The following NALF1 variants were observed in gnomAD, a reference collection of about 807,000 sequenced individuals.
NALF1 encodes the protein NALCN channel auxiliary factor 1, also known as family with sequence similarity 155 member A.
A neutral mutation model predicts 48.4 loss-of-function variants in NALF1; 3 were observed. The observed-to-expected ratio is 0.06, with a 90% CI of 0.03 to 0.16. The LOEUF is 0.16. Ranked by LOEUF, NALF1 falls within the 10% of genes least tolerant of loss-of-function variation. NALF1 has a pLI of 1.00. For synonymous variants in NALF1, 262 were observed against 245.7 expected (o/e 1.07, Z -0.62); for missense variants, 526 against 571.5 (o/e 0.92, Z 0.81).
chr13:107,340,544 G>A (rs1394953843), intron 1 of NALF1, among the ~76,000 whole-genome samples: 1 of 140,952 alleles, frequency 7.1e-6, no homozygotes, highest in East Asian at 2.1e-4. Context: ...TTAATATCAA[G>A]CTAGAAAATA....
At chr13:107,830,742 C>CA (rs1879694768) in intron 1 of NALF1, among the ~76,000 whole-genome samples, 1 of 152,180 alleles carries the variant, frequency 6.6e-6, no homozygotes, top group Non-Finnish European at 1.5e-5. Context: ...GCTCCTTCTG[C>CA]ACCACAGGCC....
chr13:107,595,512 C>T (rs1286570094), intron 1 of NALF1, among the ~76,000 whole-genome samples: 2 of 152,156 alleles, frequency 1.3e-5, no homozygotes. Context: ...CCACCATCTA[C>T]ACATGCTTCA....
At position 107,380,846 on chromosome 13, in the gene NALF1, C is replaced by T. The variant is rs1052970354; in HGVS notation, c.916-170091G>A. On this transcript the variant is annotated intron_variant, in intron 1 of 2. Transcript: ENST00000375915. The stretch of plus-strand genomic sequence containing the variant: ...ACAAAAAATTAGCCGGGCGTAGTGG[C>T]GGGCGCCTGTAGTACCAGCTACTCG... Among the ~76,000 whole-genome samples, 34 of 150,836 alleles carry T rather than the reference C, an allele frequency of 2.3e-4. No homozygotes were observed. In the South Asian group the frequency reaches 6.7e-3, roughly 30 times the overall value.
At chr13:107,843,318 C>G (rs1880089332) in intron 1 of NALF1, among the ~76,000 whole-genome samples, 1 of 152,164 alleles carries the variant, frequency 6.6e-6, no homozygotes, top group East Asian at 1.9e-4. Flanking sequence ...TGAAGTCACA[C>G]AGCTTTTAAA....
intron 1 of NALF1, among the ~76,000 whole-genome samples, chr13:107,566,881 A>G (rs1053242206): frequency 1.3e-5 from 2 of 152,220 alleles, no homozygotes; most frequent in African/African-American, 4.8e-5. Context: ...TGTCCAGGCC[A>G]GCTGCCCAAC....
chr13:107,617,305 G>A (rs1879405701), intron 1 of NALF1, among the ~76,000 whole-genome samples: 1 of 152,132 alleles, frequency 6.6e-6, no homozygotes, highest in Non-Finnish European at 1.5e-5. Flanking sequence ...TCTGATTAAA[G>A]GGGTCATTTA....
chr13:107,536,412 G>A (rs1460531157), intron 1 of NALF1, among the ~76,000 whole-genome samples: 1 of 152,030 alleles, frequency 6.6e-6, no homozygotes, highest in Non-Finnish European at 1.5e-5. Flanking sequence ...TCAAAAAGTG[G>A]GCAAAGGATA....
At chr13:107,484,487 TTTC>T (rs988149411) in intron 1 of NALF1, among the ~76,000 whole-genome samples, 18 of 152,138 alleles carry the variant, frequency 1.2e-4, no homozygotes, top group African/African-American at 4.3e-4. Context: ...TGAGAGGGAC[TTTC>T]TTCTTTTTTT....
intron 1 of NALF1, among the ~76,000 whole-genome samples, chr13:107,637,404 C>A (rs528645910): frequency 8.5e-4 from 130 of 152,164 alleles, no homozygotes; most frequent in Non-Finnish European, 5.9e-5. Flanking sequence ...CATAAATCTA[C>A]TACTATTTCA....
chr13:107,781,969 T>C (rs752390658), intron 1 of NALF1, among the ~76,000 whole-genome samples: 1 of 152,204 alleles, frequency 6.6e-6, no homozygotes, highest in Non-Finnish European at 1.5e-5. Context: ...GTGATAAAAA[T>C]TGTAAGGAAA....
chr13:107,375,681 A>G (rs949702544), intron 1 of NALF1, among the ~76,000 whole-genome samples: 2 of 152,212 alleles, frequency 1.3e-5, no homozygotes, highest in Non-Finnish European at 2.9e-5. Context: ...TAAAGAAAAG[A>G]GCCAATAGAA....
intron 1 of NALF1, among the ~76,000 whole-genome samples, chr13:107,593,935 A>G (rs1311613623): frequency 6.6e-6 from 1 of 152,010 alleles, no homozygotes; most frequent in East Asian, 1.9e-4. Flanking sequence ...AGGGGAGTCC[A>G]TGGCAGGAAG....
intron 1 of NALF1, among the ~76,000 whole-genome samples, chr13:107,864,347 C>A (rs1175655684): frequency 6.6e-6 from 1 of 152,188 alleles, no homozygotes; most frequent in Non-Finnish European, 1.5e-5. Context: ...CTGTCAAAAG[C>A]ACAACTAATC....
chr13:107,632,842 C>T (rs371300556), intron 1 of NALF1, among the ~76,000 whole-genome samples: 1 of 149,378 alleles, frequency 6.7e-6, no homozygotes, highest in Non-Finnish European at 1.5e-5. Context: ...ATCTTGAGTT[C>T]TCTAGAGGAA....
At chr13:107,402,794 T>C (rs1370441246) in intron 1 of NALF1, among the ~76,000 whole-genome samples, 1 of 152,138 alleles carries the variant, frequency 6.6e-6, no homozygotes, top group Non-Finnish European at 1.5e-5. Context: ...TTCAGGGTTG[T>C]AGCAGATATA....
intron 1 of NALF1, among the ~76,000 whole-genome samples, chr13:107,299,561 A>T (rs535161627): frequency 2.6e-5 from 4 of 151,460 alleles, no homozygotes; most frequent in African/African-American, 9.7e-5. Flanking sequence ...TGATTTTCCA[A>T]TTGATAAGTG....
chr13:107,554,203 G>A (rs1330563304), intron 1 of NALF1, among the ~76,000 whole-genome samples: 5 of 152,308 alleles, frequency 3.3e-5, no homozygotes, highest in East Asian at 1.9e-4. Context: ...GCCACAAGAT[G>A]CAGCTGATGG....
chr13:107,744,221 C>G (rs888218453), intron 1 of NALF1, among the ~76,000 whole-genome samples: 2 of 152,160 alleles, frequency 1.3e-5, no homozygotes, highest in African/African-American at 2.4e-5. Context: ...TTTAAGCCCT[C>G]TGAGACGCAA....
chr13:107,197,980 C>T (rs941281282), intron 2 of NALF1, among the ~76,000 whole-genome samples: 1 of 152,086 alleles, frequency 6.6e-6, no homozygotes, highest in Non-Finnish European at 1.5e-5. Context: ...TCTATATTTC[C>T]TTTCAGAACC....
Sources: allele counts gnomAD v4.1 joint callset (sites outside exome capture counted in the v4.1 genomes callset), GRCh38; gene constraint gnomAD v4.1.1; transcripts MANE v1.5; gene names NCBI Gene and HGNC (gene_info 2026-07-23, HGNC 2026-07-21).